The following TMEM117 variants were observed in gnomAD, a reference collection of about 807,000 sequenced individuals.
TMEM117 encodes transmembrane protein 117.
TMEM117 carries 27 observed loss-of-function variants against 52.4 expected under a neutral mutation model. The ratio of observed to expected loss-of-function variants is 0.51; its 90% CI spans 0.38 to 0.71. The LOEUF is 0.71. TMEM117 is among the 30% of genes least tolerant of loss of function. The pLI is 0.00. For synonymous variants in TMEM117, 215 were observed against 206.3 expected (o/e 1.04, Z -0.36); for missense variants, 556 against 630.5 (o/e 0.88, Z 1.26).
intron 4 of TMEM117, among the ~76,000 whole-genome samples, chr12:44,188,779 T>C (rs1949312552): frequency 6.6e-6 from 1 of 152,180 alleles, no homozygotes; most frequent in African/African-American, 2.4e-5. Flanking sequence ...TCATGTCATT[T>C]GTTGCCTTGT....
chr12:43,871,633 C>T (rs955112728), intron 2 of TMEM117, among the ~76,000 whole-genome samples: 1 of 152,152 alleles, frequency 6.6e-6, no homozygotes, highest in Admixed American at 6.5e-5. Context: ...TATTTAATTA[C>T]AACTAGGTAA....
At chr12:44,217,367 C>T (rs1333208298) in intron 5 of TMEM117, among the ~76,000 whole-genome samples, 1 of 152,180 alleles carries the variant, frequency 6.6e-6, no homozygotes, top group Admixed American at 6.5e-5. Context: ...CATTGATGAG[C>T]AGTCTCTTTC....
chr12:44,321,040 C>A (rs1048231769), intron 6 of TMEM117, among the ~76,000 whole-genome samples: 1 of 152,122 alleles, frequency 6.6e-6, no homozygotes, highest in African/African-American at 2.4e-5. Flanking sequence ...TTTAGAATTT[C>A]GGATCAATGT....
chr12:44,022,872 G>A (rs573896731), intron 3 of TMEM117, among the ~76,000 whole-genome samples: 1 of 152,246 alleles, frequency 6.6e-6, no homozygotes, highest in South Asian at 2.1e-4. Context: ...AAAACAAGGA[G>A]GTTTCATTTT....
Position 43,974,161 on chromosome 12 carries a change from C to A in TMEM117, c.410+29819C>A, listed in dbSNP as rs182217960. On this transcript the variant is annotated intron_variant, in intron 3 of 7. Transcript: ENST00000266534. ...AACAGTTTCCTGCCTTTGTCAGGTT[C>A]TGGAAAGATTTATTTGTTTCACTAC... is the stretch of plus-strand genomic sequence containing the variant. Among the ~76,000 whole-genome samples the A allele has an allele frequency of 8.5e-3, 1,287 of 152,192 alleles. 13 individuals carry two copies. Among genetic ancestry groups the A allele is most frequent in the African/African-American group, 0.029 (1,223 of 41,540 alleles).
At chr12:43,996,527 C>T (rs986317136) in intron 3 of TMEM117, among the ~76,000 whole-genome samples, 9 of 151,974 alleles carry the variant, frequency 5.9e-5, no homozygotes, top group Non-Finnish European at 1.5e-5. Context: ...CCTGTAGTCC[C>T]AGCTACTTGG....
intron 3 of TMEM117, among the ~76,000 whole-genome samples, chr12:44,050,536 A>G (rs1435210665): frequency 6.6e-6 from 1 of 152,190 alleles, no homozygotes; most frequent in Non-Finnish European, 1.5e-5. Context: ...ACTTCTAGGC[A>G]CTGAGAAGTT....
chr12:43,951,368 AGC>A (rs1945218119), intron 3 of TMEM117, among the ~76,000 whole-genome samples: 1 of 152,210 alleles, frequency 6.6e-6, no homozygotes, highest in Non-Finnish European at 1.5e-5. Flanking sequence ...ACTCCTATAG[AGC>A]CCAGTAAGCT....
At chr12:44,225,816 C>T (rs993549777) in intron 5 of TMEM117, among the ~76,000 whole-genome samples, 3 of 152,072 alleles carry the variant, frequency 2.0e-5, no homozygotes, top group Admixed American at 6.6e-5. Flanking sequence ...AAATTTGTGT[C>T]CACAGTGGAT....
At chr12:44,166,860 T>C (rs1359762732) in intron 4 of TMEM117, among the ~76,000 whole-genome samples, 1 of 152,232 alleles carries the variant, frequency 6.6e-6, no homozygotes, top group Non-Finnish European at 1.5e-5. Context: ...AGGCTTGTTA[T>C]CAAATATGAA....
At chr12:44,198,965 T>C (rs766633207) in intron 4 of TMEM117, among the ~76,000 whole-genome samples, 45 of 152,284 alleles carry the variant, frequency 3.0e-4, no homozygotes, top group East Asian at 3.9e-4. Context: ...ATGACTGTAG[T>C]GTATTTGGGA....
intron 2 of TMEM117, among the ~76,000 whole-genome samples, chr12:43,903,107 A>G (rs902535036): frequency 3.3e-5 from 5 of 152,214 alleles, no homozygotes; most frequent in Non-Finnish European, 5.9e-5. Flanking sequence ...TATGCTTAGA[A>G]AAAGAATAAA....
intron 2 of TMEM117, among the ~76,000 whole-genome samples, chr12:43,941,124 A>G (rs1462726653): frequency 6.6e-6 from 1 of 152,182 alleles, no homozygotes; most frequent in African/African-American, 2.4e-5. Context: ...ATACTCCAAG[A>G]TGGATCTTAT....
chr12:44,279,197 T>A, intron 5 of TMEM117, among the ~76,000 whole-genome samples: 1 of 152,220 alleles, frequency 6.6e-6, no homozygotes. Flanking sequence ...CAAAGTGGAA[T>A]GACTTGATAT....
chr12:44,096,849 A>C (rs1281939592), intron 3 of TMEM117, among the ~76,000 whole-genome samples: 196 of 151,746 alleles, frequency 1.3e-3, no homozygotes, highest in Middle Eastern at 3.4e-3. Context: ...GCAACAAAAG[A>C]CAAAATTGAC....
intron 4 of TMEM117, among the ~76,000 whole-genome samples, chr12:44,194,093 C>T (rs1015140226): frequency 6.6e-6 from 1 of 151,950 alleles, no homozygotes; most frequent in Non-Finnish European, 1.5e-5. Context: ...AAGACTGAAC[C>T]ATTTGAAAAT....
At chr12:44,387,126 T>C (rs889428671) in intron 7 of TMEM117, among the ~76,000 whole-genome samples, 2 of 151,752 alleles carry the variant, frequency 1.3e-5, no homozygotes, top group African/African-American at 4.8e-5. Flanking sequence ...TTGCAATAAT[T>C]TATAATAAAA....
chr12:44,168,004 C>A (rs1161521816), intron 4 of TMEM117, among the ~76,000 whole-genome samples: 1 of 152,030 alleles, frequency 6.6e-6, no homozygotes, highest in Admixed American at 6.5e-5. Flanking sequence ...GCCTGTAATC[C>A]CAGCACTTTG....
At chr12:43,972,373 C>T (rs1223798723) in intron 3 of TMEM117, among the ~76,000 whole-genome samples, 1 of 152,154 alleles carries the variant, frequency 6.6e-6, no homozygotes, top group East Asian at 1.9e-4. Context: ...AGCCGTGGAC[C>T]TTTGCGGTGA....
Sources: allele counts gnomAD v4.1 joint callset (sites outside exome capture counted in the v4.1 genomes callset), GRCh38; gene constraint gnomAD v4.1.1; transcripts MANE v1.5; gene names NCBI Gene and HGNC (gene_info 2026-07-23, HGNC 2026-07-21).